PTPRN2: variants seen among roughly 807,000 people sequenced by gnomAD.
PTPRN2 encodes the protein protein tyrosine phosphatase receptor type N2, also known as receptor-type tyrosine-protein phosphatase N2.
In PTPRN2, 74 loss-of-function variants were observed where a neutral mutation model predicts 118.8. The observed-to-expected ratio is 0.62, with a 90% confidence interval of 0.52 to 0.76. PTPRN2 has a LOEUF of 0.76. PTPRN2 is among the 30% of genes least tolerant of loss of function. The pLI, the probability that PTPRN2 is intolerant of heterozygous loss-of-function variation, is 0.00. For missense variants in PTPRN2, 1,481 were observed against 1,394.4 expected (o/e 1.06, Z -0.99); for synonymous variants, 641 against 608.0 (o/e 1.05, Z -0.80).
intron 3 of PTPRN2, among the ~76,000 whole-genome samples, chr7:158,243,154 G>A (rs921789904): frequency 7.9e-5 from 12 of 152,216 alleles, no homozygotes; most frequent in Admixed American, 2.6e-4. Flanking sequence ...GGAGTGAGAA[G>A]ATTCCAGCTA....
In PTPRN2 at chr7:158,574,610, T is replaced by C. The variant is rs1034022892; in HGVS notation, c.112+12948A>G. 6.6e-6 allele frequency among the ~76,000 whole-genome samples: 1 copy of C among 152,140 alleles called. No individual in the cohort carries two copies. Among genetic ancestry groups the C allele is most frequent in the East Asian group, 1.9e-4 (1 of 5,198 alleles). ...ATGTGGGGCAGCTCTGGCAGAAGAG[T>C]GATAGGATCAGATTTTCAGTTGTGG... On this transcript the variant is annotated intron_variant, in intron 1 of 22. Coordinates refer to ENST00000389418, the MANE Select transcript of PTPRN2 (RefSeq NM_002847.5). This position sits in a 1 kb window ranked among gnomAD's most constrained non-coding sequence, Gnocchi z 4.6.
intron 12 of PTPRN2, among the ~76,000 whole-genome samples, chr7:157,834,527 G>T (rs544502841): frequency 6.9e-6 from 1 of 145,558 alleles, no homozygotes; most frequent in South Asian, 2.2e-4. Context: ...CAATCAGTGA[G>T]CCAGAAGCAC....
chr7:157,757,786 T>C (rs983842646), intron 12 of PTPRN2, among the ~76,000 whole-genome samples: 5 of 152,076 alleles, frequency 3.3e-5, no homozygotes, highest in African/African-American at 1.2e-4. Context: ...CAAAGCCCAC[T>C]TGCTCTACAA....
chr7:158,152,460 C>T (rs533621344), intron 6 of PTPRN2, among the ~76,000 whole-genome samples: 37 of 152,240 alleles, frequency 2.4e-4, no homozygotes, highest in South Asian at 4.2e-4. Flanking sequence ...GACAGGAGGC[C>T]AAAGTGTCCA....
At chr7:157,592,391 G>A (rs1174369092) in intron 17 of PTPRN2, among the ~76,000 whole-genome samples, 1 of 152,226 alleles carries the variant, frequency 6.6e-6, no homozygotes, top group Non-Finnish European at 1.5e-5. Context: ...GTAGGACCCA[G>A]CACCTGCTGA....
In PTPRN2 at chr7:157,881,659, G is replaced by A. The variant is rs1796137714; in HGVS notation, c.1788+17014C>T. On this transcript the variant is annotated intron_variant, in intron 12 of 22. Transcript: ENST00000389418. This position sits in a 1 kb window ranked among gnomAD's most constrained non-coding sequence, Gnocchi z 4.7. The stretch of plus-strand genomic sequence containing the variant: ...CCTACGAGAAAGGAGAGGATTTCCT[G>A]TTTTCGTGGAACGTTAAGTCCAAGT... 6.6e-6 allele frequency among the ~76,000 whole-genome samples: 1 copy of A among 151,912 alleles called. No homozygotes were observed. The highest frequency in any genetic ancestry group is 2.1e-4 in the South Asian group (1 of 4,818).
intron 2 of PTPRN2, among the ~76,000 whole-genome samples, chr7:158,395,757 CGCGAGGG>C (rs1269777437): frequency 1.2e-4 from 1 of 8,020 alleles, no homozygotes; most frequent in Non-Finnish European, 3.2e-4. Flanking sequence ...AGGGGTGAGG[CGCGAGGG>C]GCGAGGGGTG....
At chr7:157,937,676 C>T (rs1019787713) in intron 11 of PTPRN2, among the ~76,000 whole-genome samples, 10 of 152,218 alleles carry the variant, frequency 6.6e-5, no homozygotes, top group South Asian at 2.1e-4. Context: ...AGAGCGGGTG[C>T]GGCCTCTCTG....
intron 3 of PTPRN2, among the ~76,000 whole-genome samples, chr7:158,283,137 C>T (rs1477524547): frequency 2.0e-5 from 3 of 152,212 alleles, no homozygotes; most frequent in East Asian, 1.9e-4. Flanking sequence ...AAGACGCATT[C>T]GACAACACGC....
intron 8 of PTPRN2, among the ~76,000 whole-genome samples, chr7:158,134,595 G>T (rs1334820376): frequency 6.6e-6 from 1 of 152,164 alleles, no homozygotes; most frequent in East Asian, 1.9e-4. Flanking sequence ...CACAGAAGGG[G>T]AGACGGAGGC....
At chr7:157,890,303 A>C (rs1796724380) in intron 12 of PTPRN2, among the ~76,000 whole-genome samples, 1 of 152,174 alleles carries the variant, frequency 6.6e-6, no homozygotes, top group Non-Finnish European at 1.5e-5. Flanking sequence ...TTATTTATAA[A>C]ACCAAAACTG....
chr7:157,793,660 T>C (rs1005410839), intron 12 of PTPRN2, among the ~76,000 whole-genome samples: 3 of 152,178 alleles, frequency 2.0e-5, no homozygotes, highest in Non-Finnish European at 4.4e-5. Flanking sequence ...ACACGTTGGC[T>C]TCTCTGGGTT....
chr7:158,353,674 AAAACCCCGAACAGAC>A (rs1808174773), intron 2 of PTPRN2, among the ~76,000 whole-genome samples: 1 of 152,182 alleles, frequency 6.6e-6, no homozygotes, highest in African/African-American at 2.4e-5. Flanking sequence ...CAGGAACAGA[AAAACCCCGAACAGAC>A]AGACAGCAGG....
intron 12 of PTPRN2, among the ~76,000 whole-genome samples, chr7:157,684,609 C>G (rs1413882515): frequency 5.9e-5 from 9 of 151,478 alleles, no homozygotes; most frequent in Non-Finnish European, 1.3e-4. Flanking sequence ...CTCCGCCCCC[C>G]TCCCTCCGGC....
chr7:158,122,603 C>T (rs1005051031), intron 9 of PTPRN2, among the ~76,000 whole-genome samples: 16 of 152,174 alleles, frequency 1.1e-4, no homozygotes, highest in African/African-American at 3.4e-4. Context: ...CTGTGCTGGA[C>T]GCCACACTGA....
chr7:157,961,588 G>A (rs1051522556), intron 11 of PTPRN2, among the ~76,000 whole-genome samples: 6 of 152,000 alleles, frequency 3.9e-5, no homozygotes. Flanking sequence ...TTAAAAAGAG[G>A]GCAGGAAAGT....
At chr7:157,668,163 A>G (rs1003995893) in intron 13 of PTPRN2, among the ~76,000 whole-genome samples, 3 of 152,238 alleles carry the variant, frequency 2.0e-5, no homozygotes, top group African/African-American at 7.2e-5. Flanking sequence ...CAGAGTCCTC[A>G]AAGTATCTTA....
At chr7:157,557,389 A>G (rs1318888307) in intron 21 of PTPRN2, among the ~76,000 whole-genome samples, 2 of 151,958 alleles carry the variant, frequency 1.3e-5, no homozygotes. Flanking sequence ...CATCATACAC[A>G]TGCATACACA....
At chr7:158,101,939 G>A (rs1405939336) in intron 10 of PTPRN2, among the ~76,000 whole-genome samples, 18 of 152,276 alleles carry the variant, frequency 1.2e-4, no homozygotes, top group South Asian at 8.3e-4. Flanking sequence ...ATCTCTGCCC[G>A]TCACTACGCC....
Sources: allele counts gnomAD v4.1 joint callset (sites outside exome capture counted in the v4.1 genomes callset), GRCh38; gene constraint gnomAD v4.1.1; non-coding constraint Gnocchi (gnomAD v3.1); transcripts MANE v1.5; gene names NCBI Gene and HGNC (gene_info 2026-07-23, HGNC 2026-07-21).